KIAA0753: variants seen among roughly 807,000 people sequenced by gnomAD.
KIAA0753 encodes KIAA0753, also known as protein moonraker.
KIAA0753 carries 114 observed loss-of-function variants against 116.9 expected under a neutral mutation model. That is an observed-to-expected ratio of 0.98 (90% CI 0.84 to 1.14). The LOEUF is 1.14. Among genes scored for constraint, KIAA0753 ranks in the 50% most tolerant of loss-of-function variants. KIAA0753 has a pLI of 0.00. For synonymous variants in KIAA0753, 405 were observed against 413.1 expected (o/e 0.98, Z 0.24); for missense variants, 1,156 against 1,172.4 (o/e 0.99, Z 0.20).
chr17:6,590,441 G>A, intron 17 of KIAA0753, 69 bp downstream of exon 17: 1 of 1,578,542 alleles, frequency 6.3e-7, no homozygotes, highest in Non-Finnish European at 8.7e-7. Context: ...GGAACTGAAA[G>A]AATTCAAAAT....
In KIAA0753 at chr17:6,623,047, G is replaced by A; in HGVS notation, c.939C>T (p.Ala313=). Residue 313 remains alanine, a synonymous_variant, in exon 6 of 19, where the codon GCC becomes GCT. Coordinates refer to ENST00000361413, the MANE Select transcript of KIAA0753 (RefSeq NM_014804.3). The part of the protein sequence containing the change: ...LAAAHRGAIR[A]LQMFVTQFTD... ...TAAACTGAGTGACAAACATCTGTAAGGCCCGAATGGCTCCTCGATGGGCAG... is the reference window on the plus strand; with the variant it reads ...TAAACTGAGTGACAAACATCTGTAAAGCCCGAATGGCTCCTCGATGGGCAG... 1 of 1,614,134 alleles carries A rather than the reference G, an allele frequency of 6.2e-7. No homozygotes were observed. The highest frequency in any genetic ancestry group is 8.5e-7 in the Non-Finnish European group (1 of 1,180,028).
chr17:6,621,180 T>G lies in KIAA0753; in HGVS notation c.1105-182A>C, dbSNP rs1293618980. Among the ~76,000 whole-genome samples the G allele has an allele frequency of 2.0e-5, 3 of 152,366 alleles. No individual in the cohort carries two copies. The East Asian group carries it at 5.8e-4, about 29-fold the overall frequency. On this transcript the variant is annotated intron_variant, in intron 6 of 18. Transcript: ENST00000361413. ...TATCTAATTAATTAGTAACAATTTC[T>G]GTGAGTACTTTCAGATGTGTAGCTC... is the stretch of plus-strand genomic sequence containing the variant.
intron 7 of KIAA0753, 29 bp from the exon 8 acceptor site, chr17:6,612,177 G>A: frequency 6.6e-7 from 1 of 1,504,956 alleles, no homozygotes; most frequent in South Asian, 1.2e-5. Flanking sequence ...AAAACAAACT[G>A]AGGAAAATGC....
At chr17:6,590,712 T>C (rs779238220) in intron 16 of KIAA0753, 82 bp from the exon 17 acceptor site, 12 of 1,477,362 alleles carry the variant, frequency 8.1e-6, no homozygotes, top group South Asian at 1.2e-5. Context: ...GCCAAGAACC[T>C]GAGAGCAAGT....
intron 2 of KIAA0753, among the ~76,000 whole-genome samples, chr17:6,630,431 A>G (rs1182083911): frequency 6.6e-6 from 1 of 152,128 alleles, no homozygotes; most frequent in East Asian, 1.9e-4. Context: ...GGCAATCGCT[A>G]ACAAAAACAC....
intron 5 of KIAA0753, 60 bp downstream of exon 5, chr17:6,623,449 C>G: frequency 7.0e-7 from 1 of 1,423,456 alleles, no homozygotes; most frequent in Non-Finnish European, 9.8e-7. Flanking sequence ...ACAATACTAA[C>G]AAAACACTGG....
At chr17:6,582,624 G>A (rs908785432) in intron 18 of KIAA0753, among the ~76,000 whole-genome samples, 5 of 152,024 alleles carry the variant, frequency 3.3e-5, no homozygotes, top group African/African-American at 1.2e-4. Context: ...TTGAGTTTAT[G>A]CTTCTAAAAT....
intron 14 of KIAA0753, among the ~76,000 whole-genome samples, chr17:6,598,239 A>C (rs567821586): frequency 6.6e-6 from 1 of 152,256 alleles, no homozygotes; most frequent in Admixed American, 6.5e-5. Flanking sequence ...AAAAAAATAT[A>C]TCATTTAGTG....
chr17:6,621,169 G>A (rs1220612142), intron 6 of KIAA0753, among the ~76,000 whole-genome samples, 171 bp from the exon 7 acceptor site: 1 of 152,152 alleles, frequency 6.6e-6, no homozygotes, highest in East Asian at 1.9e-4. Flanking sequence ...TAATTAATTA[G>A]TAACAATTTC....
intron 12 of KIAA0753, chr17:6,600,884 G>C (rs1051472220): frequency 1.3e-5 from 2 of 159,994 alleles, no homozygotes; most frequent in African/African-American, 2.4e-5. Flanking sequence ...CACCCACAAG[G>C]ATAAGGAAGA....
chr17:6,627,980 G>C (rs1187235386), intron 3 of KIAA0753, 137 bp downstream of exon 3: 4 of 774,688 alleles, frequency 5.2e-6, no homozygotes, highest in Non-Finnish European at 8.3e-6. Context: ...CTTGTCCTGA[G>C]TACTCACACT....
At chr17:6,601,554 A>G (rs899290809) in intron 12 of KIAA0753, among the ~76,000 whole-genome samples, 1 of 152,316 alleles carries the variant, frequency 6.6e-6, no homozygotes, top group African/African-American at 2.4e-5. Context: ...TCCTTAACAA[A>G]CAGTCCAGGT....
chr17:6,602,954 A>G (rs1306398418), intron 12 of KIAA0753, among the ~76,000 whole-genome samples: 3 of 152,222 alleles, frequency 2.0e-5, no homozygotes, highest in Non-Finnish European at 4.4e-5. Context: ...AAATGTGTTA[A>G]TATATTCAGA....
chr17:6,579,837 A>C lies in KIAA0753; in HGVS notation c.2814T>G (p.Ala938=). 3.1e-6 allele frequency: 5 copies of C among 1,613,820 alleles called. No individual in the cohort carries two copies. Among genetic ancestry groups the C allele is most frequent in the Non-Finnish European group, 4.2e-6 (5 of 1,179,920 alleles). The change falls in exon 19 of 19, where the codon GCT becomes GCG. Residue 938 remains alanine (A), a synonymous_variant. Coordinates refer to ENST00000361413, the MANE Select transcript of KIAA0753 (RefSeq NM_014804.3). The part of the protein sequence containing the change: ...ESFSEELVDE[A]LGAVAAELQD... The stretch of plus-strand genomic sequence containing the variant: ...GAAGTTCAGCAGCCACAGCACCCAG[A>C]GCTTCATCTACCAGCTCTTCTGAAA...
intron 14 of KIAA0753, among the ~76,000 whole-genome samples, chr17:6,598,164 C>T (rs562528796): frequency 6.6e-6 from 1 of 152,234 alleles, no homozygotes; most frequent in East Asian, 1.9e-4. Flanking sequence ...ATTTTCCTTT[C>T]ATATTAAAGT....
rs1971426926 is a variant in KIAA0753, at chr17:6,622,976, C to T, written c.1010G>A (p.Gly337Asp). Residue 337 changes from glycine to aspartate, a missense_variant, in exon 6 of 19, where the codon GGC becomes GAC. Coordinates refer to ENST00000361413, the MANE Select transcript of KIAA0753 (RefSeq NM_014804.3). ...HPLPARCKEL[G>D]SLIRQLSLCS... ...AAGTGAAAGCTGGCGAATAAGGCTGCCCAGTTCCTTACACCGAGCAGGAAG... is the reference window on the plus strand; with the variant it reads ...AAGTGAAAGCTGGCGAATAAGGCTGTCCAGTTCCTTACACCGAGCAGGAAG... The T allele has an allele frequency of 3.1e-6, 5 of 1,614,180 alleles. No individual in the cohort carries two copies. Among genetic ancestry groups the T allele is most frequent in the African/African-American group, 2.7e-5 (2 of 75,038 alleles).
chr17:6,627,389 A>G (rs1971737569), intron 3 of KIAA0753, among the ~76,000 whole-genome samples: 1 of 152,210 alleles, frequency 6.6e-6, no homozygotes, highest in African/African-American at 2.4e-5. Flanking sequence ...TAAATTGAAA[A>G]TGCAAAAAAT....
chr17:6,634,733 A>T, intron 2 of KIAA0753: 1 of 255,226 alleles, frequency 3.9e-6, no homozygotes. Context: ...CATTTCTTAT[A>T]AGAAATGGTA....
At chr17:6,634,889 G>T in intron 2 of KIAA0753, 122 bp downstream of exon 2, 1 of 687,082 alleles carries the variant, frequency 1.5e-6, no homozygotes. Context: ...TAGAAAAACA[G>T]AAAAAATTGT....
Sources: gnomAD v4.1 joint callset for allele counts (sites outside exome capture counted in the v4.1 genomes callset) on GRCh38, gnomAD v4.1.1 for gene constraint, MANE v1.5 for transcripts, NCBI Gene and HGNC (gene_info 2026-07-23, HGNC 2026-07-21) for gene names.